Variants in IFI16 observed in about 807,000 individuals in gnomAD.
IFI16 encodes interferon gamma inducible protein 16.
Under a neutral mutation model 68.4 loss-of-function variants are expected in IFI16, and 49 were observed. The ratio of observed to expected loss-of-function variants is 0.72; its 90% CI spans 0.57 to 0.91. The LOEUF (loss-of-function observed/expected upper bound fraction) is 0.91, where lower values mean the gene tolerates loss of function less well. Among genes scored for constraint, IFI16 ranks in the 40% least tolerant of loss-of-function variants. The pLI, the probability that IFI16 is intolerant of heterozygous loss-of-function variation, is 0.00. For missense variants in IFI16, 878 were observed against 942.9 expected (o/e 0.93, Z 0.90); for synonymous variants, 307 against 315.0 (o/e 0.97, Z 0.27).
At position 159,045,435 on chromosome 1, in the gene IFI16, T is replaced by A. The variant is rs1315937928; in HGVS notation, c.1468T>A (p.Ser490Thr). The A allele has an allele frequency of 1.9e-6, 3 of 1,590,238 alleles. No individual in the cohort carries two copies. Residue 490 changes from serine to threonine, a missense_variant, in exon 8 of 12, where the codon TCA becomes ACA. Physicochemically the swap from Ser to Thr is moderately conservative, Grantham distance 58. Around this residue, in one of 4 missense-constraint regions of IFI16, gnomAD observed 59 missense variants for 119.0 expected, o/e 0.50. Transcript: ENST00000295809. ...TCCCCACACTCCTCAGATGCCTCCA[T>A]CAACACCAAGCAGCAGTTTCTTAAC... ...SHPHTPQMPP[S>T]TPSSSFLTTK... is the part of the protein sequence containing the mutation.
In IFI16 at chr1:159,045,399, G is replaced by A; in HGVS notation, c.1432G>A (p.Ala478Thr). The A allele has an allele frequency of 1.3e-6, 2 of 1,592,580 alleles. No homozygotes were observed. The highest frequency in any genetic ancestry group is 1.7e-6 in the Non-Finnish European group (2 of 1,165,750). ...PGPFMTSIGP[A>T]ESHPHTPQMP... is the part of the protein sequence containing the mutation. Reference sequence around the variant, plus strand: ...ACCGTTCATGACCAGCATAGGCCCAGCTGAGAGCCATCCCCACACTCCTCA... The same window carrying A: ...ACCGTTCATGACCAGCATAGGCCCAACTGAGAGCCATCCCCACACTCCTCA... Residue 478 changes from alanine to threonine, a missense_variant, in exon 8 of 12, where the codon GCT becomes ACT. Transcript: ENST00000295809.
At chr1:159,009,621 A>T (rs1652420617), upstream of IFI16, among the ~76,000 whole-genome samples, 1 of 152,218 alleles carries the variant, frequency 6.6e-6, no homozygotes, top group South Asian at 2.1e-4. Flanking sequence ...AACTCCTTTC[A>T]GCTATCGAAT....
intron 7 of IFI16, among the ~76,000 whole-genome samples, chr1:159,036,609 T>TA (rs1222976676): frequency 6.6e-6 from 1 of 152,222 alleles, no homozygotes; most frequent in East Asian, 1.9e-4. Context: ...TATTTAAAAT[T>TA]AGACATTGTT....
intron 6 of IFI16, among the ~76,000 whole-genome samples, chr1:159,024,321 G>T (rs1043772042): frequency 1.3e-5 from 2 of 152,100 alleles, no homozygotes; most frequent in African/African-American, 4.8e-5. Context: ...AAACACCTAG[G>T]GGGTCTTTTT....
chr1:159,019,603 C>T (rs926792871), intron 5 of IFI16, among the ~76,000 whole-genome samples: 2 of 152,056 alleles, frequency 1.3e-5, no homozygotes, highest in African/African-American at 4.8e-5. Context: ...GGACTACAGG[C>T]GTGTGCCATC....
At chr1:159,004,789 C>A (rs1273416141), upstream of IFI16, among the ~76,000 whole-genome samples, 4 of 152,092 alleles carry the variant, frequency 2.6e-5, no homozygotes, top group African/African-American at 4.8e-5. Flanking sequence ...TAAATTATAT[C>A]AAGGGAAATT....
intron 7 of IFI16, among the ~76,000 whole-genome samples, chr1:159,040,482 C>T (rs576200199): frequency 9.8e-5 from 15 of 152,298 alleles, no homozygotes; most frequent in South Asian, 6.2e-4. Flanking sequence ...ACTCATGCTA[C>T]GAAGTATGTA....
At chr1:159,051,236 A>T (rs1204644481) in intron 9 of IFI16, among the ~76,000 whole-genome samples, 1 of 151,734 alleles carries the variant, frequency 6.6e-6, no homozygotes, top group Non-Finnish European at 1.5e-5. Context: ...AGACCAGAAC[A>T]TGGAGGCAGG....
chr1:159,054,989 T>G lies in IFI16; in HGVS notation c.*88T>G, dbSNP rs994271723. ...CATATACCTGGTTGAAATACAACAC[T>G]ATACATACACACCACCATATATACT... On this transcript the variant is annotated 3_prime_UTR_variant, in exon 12 of 12. Transcript: ENST00000295809. The G allele has an allele frequency of 4.0e-5, 27 of 668,086 alleles. No individual in the cohort carries two copies. In the African/African-American group the frequency reaches 4.5e-4, roughly 11 times the overall value. 41.4% of individuals were successfully genotyped at this position (668,086 alleles called of 1,614,324 possible). A position where few individuals can be genotyped will look rare whatever the true frequency, so the allele number is the denominator to read the frequency against.
At chr1:159,051,023 C>T (rs1327782436) in intron 9 of IFI16, among the ~76,000 whole-genome samples, 1 of 152,152 alleles carries the variant, frequency 6.6e-6, no homozygotes, top group African/African-American at 2.4e-5. Context: ...ATTCCTTACT[C>T]TGAATGCTAG....
chr1:159,005,584 G>T (rs767387026), upstream of IFI16, among the ~76,000 whole-genome samples: 1 of 152,284 alleles, frequency 6.6e-6, no homozygotes, highest in East Asian at 1.9e-4. Flanking sequence ...TTAGCTTTGA[G>T]CAACAGGAAA....
chr1:159,022,667 C>T (rs1101989), intron 6 of IFI16, among the ~76,000 whole-genome samples: 149,939 of 152,328 alleles, frequency 0.98, 73,840 homozygotes, highest in Middle Eastern at 1. Context: ...CTAATGCTTG[C>T]TTGGATCAGT....
chr1:159,035,383 T>C (rs886532923), intron 7 of IFI16, among the ~76,000 whole-genome samples: 2 of 152,222 alleles, frequency 1.3e-5, no homozygotes, highest in Non-Finnish European at 2.9e-5. Flanking sequence ...CAAACAACTA[T>C]GCTTTTATCA....
chr1:159,035,291 G>T (rs1255719988), intron 7 of IFI16, among the ~76,000 whole-genome samples: 1 of 152,158 alleles, frequency 6.6e-6, no homozygotes, highest in African/African-American at 2.4e-5. Context: ...GGCACAGGTG[G>T]CTGTGGAAGG....
rs1446539614 is a variant in IFI16 at position 159,045,393 on chromosome 1, G to A, written c.1426G>A (p.Gly476Ser). The A allele has an allele frequency of 1.3e-6, 2 of 1,592,128 alleles. No individual in the cohort carries two copies. The highest frequency in any genetic ancestry group is 1.7e-6 in the Non-Finnish European group (2 of 1,164,272). The change falls in exon 8 of 12, where the codon GGC (glycine) becomes AGC (serine). Residue 476 changes from glycine to serine, a missense_variant. Physicochemically the swap from Gly to Ser is moderately conservative, Grantham distance 56. Coordinates refer to ENST00000295809, the MANE Select transcript of IFI16 (RefSeq NM_001376587.1). ...TCCAGGACCGTTCATGACCAGCATA[G>A]GCCCAGCTGAGAGCCATCCCCACAC... The part of the protein sequence containing the change: ...HFPGPFMTSI[G>S]PAESHPHTPQ...
upstream of IFI16, among the ~76,000 whole-genome samples, chr1:159,005,065 G>A (rs184945739): frequency 7.4e-4 from 112 of 152,250 alleles, no homozygotes; most frequent in Non-Finnish European, 1.2e-3. Context: ...TTTCACTCAC[G>A]TAAATAGACT....
chr1:159,001,909 G>T (rs971085361), upstream of IFI16, among the ~76,000 whole-genome samples: 1 of 152,196 alleles, frequency 6.6e-6, no homozygotes, highest in South Asian at 2.1e-4. Flanking sequence ...TGTCCCAGGG[G>T]TGTACACACT....
At chr1:159,039,109 T>A (rs554297450) in intron 7 of IFI16, among the ~76,000 whole-genome samples, 1 of 152,134 alleles carries the variant, frequency 6.6e-6, no homozygotes. Context: ...CTTAACCAAG[T>A]TGGCCTAGAT....
chr1:159,035,215 G>A (rs1182416953), intron 7 of IFI16, among the ~76,000 whole-genome samples: 2 of 152,142 alleles, frequency 1.3e-5, no homozygotes, highest in East Asian at 1.9e-4. Flanking sequence ...TCAGAAAGCT[G>A]TATTTCCCTC....
Sources: gnomAD v4.1 joint callset for allele counts (sites outside exome capture counted in the v4.1 genomes callset) on GRCh38, gnomAD v4.1.1 for gene constraint, gnomAD v4.1.1 regional missense constraint, MANE v1.5 for transcripts, NCBI Gene and HGNC (gene_info 2026-07-23, HGNC 2026-07-21) for gene names.